Variants in TXNDC16 observed in about 807,000 individuals in gnomAD.
TXNDC16 encodes thioredoxin domain-containing protein 16.
TXNDC16 carries 74 observed loss-of-function variants against 85.6 expected under a neutral mutation model. The observed-to-expected ratio is 0.86, with a 90% CI of 0.72 to 1.05. The LOEUF is 1.05. Ranked by LOEUF, TXNDC16 falls within the 50% of genes least tolerant of loss-of-function variation. TXNDC16 has a pLI of 0.00. For synonymous variants in TXNDC16, 335 were observed against 326.5 expected (o/e 1.03, Z -0.28); for missense variants, 959 against 947.0 (o/e 1.01, Z -0.17).
At chr14:52,523,546 T>C (rs1237278682) in intron 6 of TXNDC16, among the ~76,000 whole-genome samples, 1 of 152,212 alleles carries the variant, frequency 6.6e-6, no homozygotes, top group Non-Finnish European at 1.5e-5. Context: ...TACTTTTATC[T>C]AAATTAATTA....
chr14:52,490,584 A>C, intron 10 of TXNDC16, 133 bp from the exon 11 acceptor site: 1 of 807,502 alleles, frequency 1.2e-6, no homozygotes, highest in Non-Finnish European at 1.8e-6. Context: ...AGTGACTGAA[A>C]AATTTTACAC....
At chr14:52,473,497 G>A (rs570990785) in intron 14 of TXNDC16, among the ~76,000 whole-genome samples, 1 of 152,186 alleles carries the variant, frequency 6.6e-6, no homozygotes, top group Admixed American at 6.5e-5. Context: ...CAGTTGAAAT[G>A]GAAAACTTTG....
At chr14:52,543,748 T>G in intron 2 of TXNDC16, 118 bp from the exon 3 acceptor site, 2 of 552,496 alleles carry the variant, frequency 3.6e-6, no homozygotes, top group Non-Finnish European at 6.1e-6. Context: ...GCTAGTACTT[T>G]ACTATATCAT....
chr14:52,542,929 T>C (rs1433866274), intron 3 of TXNDC16, among the ~76,000 whole-genome samples: 5 of 152,168 alleles, frequency 3.3e-5, no homozygotes, highest in Admixed American at 3.3e-4. Context: ...AAAAAATTAT[T>C]AGTTATGCTC....
intron 18 of TXNDC16, among the ~76,000 whole-genome samples, chr14:52,448,397 T>TA (rs200575785): frequency 0.12 from 18,205 of 146,900 alleles, 1,383 homozygotes; most frequent in East Asian, 0.39. Flanking sequence ...AGTGCTAAAT[T>TA]AAAAAAAAAA....
At chr14:52,469,634 T>C (rs997812469) in intron 16 of TXNDC16, among the ~76,000 whole-genome samples, 2 of 151,800 alleles carry the variant, frequency 1.3e-5, no homozygotes, top group Non-Finnish European at 2.9e-5. Context: ...TCCCAGCTAC[T>C]CAGGAGGCTG....
At chr14:52,446,658 G>C (rs151016560) in intron 18 of TXNDC16, among the ~76,000 whole-genome samples, 6 of 152,226 alleles carry the variant, frequency 3.9e-5, no homozygotes, top group Non-Finnish European at 7.4e-5. Context: ...AGCTCCAAAA[G>C]AGACCCCTTC....
chr14:52,504,767 C>T (rs1335765698), intron 9 of TXNDC16, among the ~76,000 whole-genome samples: 1 of 152,278 alleles, frequency 6.6e-6, no homozygotes, highest in East Asian at 1.9e-4. Context: ...TTAAAACACA[C>T]AGCCTGGCAA....
At chr14:52,508,079 C>A (rs1164026388) in intron 9 of TXNDC16, among the ~76,000 whole-genome samples, 1 of 152,100 alleles carries the variant, frequency 6.6e-6, no homozygotes, top group African/African-American at 2.4e-5. Context: ...TCTAATTAAA[C>A]TAAAGAGCTT....
intron 14 of TXNDC16, among the ~76,000 whole-genome samples, chr14:52,478,487 T>C (rs575046200): frequency 4.9e-4 from 75 of 151,926 alleles, no homozygotes; most frequent in Admixed American, 9.8e-4. Flanking sequence ...AGAAACGAAA[T>C]GGGAGATATC....
At chr14:52,494,126 G>A (rs942510240) in intron 9 of TXNDC16, among the ~76,000 whole-genome samples, 12 of 150,400 alleles carry the variant, frequency 8.0e-5, no homozygotes, top group African/African-American at 1.5e-4. Context: ...GATTCTCTTC[G>A]GCAATTTTTA....
At chr14:52,540,281 T>C (rs2037798676) in intron 4 of TXNDC16, among the ~76,000 whole-genome samples, 1 of 152,224 alleles carries the variant, frequency 6.6e-6, no homozygotes, top group African/African-American at 2.4e-5. Context: ...TCTTTCCCAA[T>C]ACATCTGTGA....
At chr14:52,528,826 C>A (rs931331900) in intron 6 of TXNDC16, among the ~76,000 whole-genome samples, 21 of 139,468 alleles carry the variant, frequency 1.5e-4, no homozygotes, top group Non-Finnish European at 2.8e-4. Context: ...ATATATTATA[C>A]CTAGGTATAT....
At chr14:52,530,293 TA>T in intron 6 of TXNDC16, among the ~76,000 whole-genome samples, 2 of 63,596 alleles carry the variant, frequency 3.1e-5, no homozygotes, top group South Asian at 6.3e-4. Flanking sequence ...ATAATTATTA[TA>T]TATAATATTA....
At chr14:52,463,310 T>C (rs1388591353) in intron 16 of TXNDC16, among the ~76,000 whole-genome samples, 1 of 151,952 alleles carries the variant, frequency 6.6e-6, no homozygotes, top group Non-Finnish European at 1.5e-5. Flanking sequence ...GAGAGAGCAA[T>C]GGACACAATG....
chr14:52,547,109 G>A lies in TXNDC16; in HGVS notation c.-181-2738C>T, dbSNP rs570705536. Among the ~76,000 whole-genome samples the A allele has an allele frequency of 2.0e-5, 3 of 152,278 alleles. 1 individual carries two copies. The highest frequency in any genetic ancestry group is 4.1e-4 in the South Asian group (2 of 4,826). On this transcript the variant is annotated intron_variant, in intron 1 of 20. Transcript: ENST00000281741. ...AAAGAAAAATACCCAGAGAAGAACT[G>A]CCATCCAAAAGACTAGATGTTCAAA...
Position 52,535,173 on chromosome 14 carries a change from T to C in TXNDC16, c.392+1546A>G, listed in dbSNP as rs779531802. ...ATCAGGTATCCACCGGAAAAACAGCTGCTAACTAGTAAGCTTCCTGAGAAC... is the reference window on the plus strand; with the variant it reads ...ATCAGGTATCCACCGGAAAAACAGCCGCTAACTAGTAAGCTTCCTGAGAAC... On this transcript the variant is annotated intron_variant, in intron 6 of 20. Transcript: ENST00000281741. Among the ~76,000 whole-genome samples, 12 of 152,224 alleles carry C rather than the reference T, an allele frequency of 7.9e-5. 1 individual carries two copies. Among genetic ancestry groups the C allele is most frequent in the Non-Finnish European group, 1.8e-4 (12 of 68,044 alleles).
intron 14 of TXNDC16, among the ~76,000 whole-genome samples, chr14:52,472,131 C>T (rs1271227473): frequency 1.3e-5 from 2 of 150,606 alleles, no homozygotes; most frequent in African/African-American, 4.9e-5. Flanking sequence ...GATGTAATAA[C>T]TTATCACTTT....
intron 7 of TXNDC16, among the ~76,000 whole-genome samples, chr14:52,515,848 T>C (rs2037071517): frequency 6.6e-6 from 1 of 152,098 alleles, no homozygotes. Context: ...TCTCCCAATA[T>C]AGTTCTAACT....
Sources: allele counts gnomAD v4.1 joint callset (sites outside exome capture counted in the v4.1 genomes callset), GRCh38; gene constraint gnomAD v4.1.1; transcripts MANE v1.5; gene names NCBI Gene and HGNC (gene_info 2026-07-23, HGNC 2026-07-21).